The following PTPRS variants were observed in gnomAD, a reference collection of about 807,000 sequenced individuals.
The protein encoded by PTPRS is protein tyrosine phosphatase receptor type S.
PTPRS carries 63 observed loss-of-function variants against 215.3 expected under a neutral mutation model. The observed-to-expected ratio is 0.29, with a 90% confidence interval of 0.24 to 0.36. The LOEUF is 0.36. PTPRS is among the 10% of genes least tolerant of loss of function. The pLI is 1.00. For missense variants in PTPRS, 2,258 were observed against 2,825.8 expected, an observed-to-expected ratio of 0.80 and a Z score of 4.56; for synonymous variants, 1,404 against 1,191.4, an observed-to-expected ratio of 1.18 and a Z score of -3.68.
At chr19:5,227,939 C>CCCCCCCCCCCCCG (rs1283340206) in intron 16 of PTPRS, among the ~76,000 whole-genome samples, 1 of 151,884 alleles carries the variant, frequency 6.6e-6, no homozygotes, top group African/African-American at 2.4e-5. Flanking sequence ...CACACACGCA[C>CCCCCCCCCCCCCG]CCCCCCAAGC....
At chr19:5,311,697 G>A (rs1461260054) in intron 1 of PTPRS, among the ~76,000 whole-genome samples, 1 of 152,142 alleles carries the variant, frequency 6.6e-6, no homozygotes, top group East Asian at 1.9e-4. Context: ...GGTGGAGATG[G>A]CAGATGCTCT....
chr19:5,250,451 T>C (rs2044898302), intron 9 of PTPRS, among the ~76,000 whole-genome samples: 1 of 152,132 alleles, frequency 6.6e-6, no homozygotes, highest in South Asian at 2.1e-4. Flanking sequence ...GTGGGCACGG[T>C]GCCCACGGGA....
Position 5,293,526 on chromosome 19 carries a change from G to C in PTPRS, c.-94-7292C>G, listed in dbSNP as rs1386698619. 6.6e-6 allele frequency among the ~76,000 whole-genome samples: 1 copy of C among 152,162 alleles called. No homozygotes were observed. The highest frequency in any genetic ancestry group is 1.5e-5 in the Non-Finnish European group (1 of 68,014). ...CCCCTCCCTCCCGAAGACGTCTCAC[G>C]GGGAGCCTCTACACTGCTCCTCGCT... On this transcript the variant is annotated intron_variant, in intron 1 of 37. Coordinates refer to ENST00000262963, the MANE Select transcript of PTPRS (RefSeq NM_002850.4). This position sits in a 1 kb window ranked among gnomAD's most constrained non-coding sequence, Gnocchi z 8.4.
At chr19:5,280,863 C>T (rs1336145896) in intron 2 of PTPRS, among the ~76,000 whole-genome samples, 2 of 151,714 alleles carry the variant, frequency 1.3e-5, no homozygotes, top group Non-Finnish European at 2.9e-5. Context: ...GTAATCTTGG[C>T]TCATTGCAAC....
chr19:5,229,910 C>CG (rs1012254816), intron 14 of PTPRS, among the ~76,000 whole-genome samples: 2 of 151,940 alleles, frequency 1.3e-5, no homozygotes, highest in Admixed American at 6.6e-5. Flanking sequence ...AGGCTGCCCC[C>CG]CCCCGAGTCT....
In PTPRS at chr19:5,212,142, G is replaced by A. The variant is rs1245792323; in HGVS notation, c.4878C>T (p.Ser1626=). Residue 1626 remains serine (S), a synonymous_variant, in exon 32 of 38, where the codon TCC becomes TCT. Transcript: ENST00000262963. ...CCGTCTGCACCATGTAGTTGCGCTGGGACCTCATGAGCGTCACGTGGCCAT... is the reference window on the plus strand; with the variant it reads ...CCGTCTGCACCATGTAGTTGCGCTGAGACCTCATGAGCGTCACGTGGCCAT... ...DVYGHVTLMR[S]QRNYMVQTED... is the part of the protein sequence containing the mutation. 1.9e-6 allele frequency: 3 copies of A among 1,613,988 alleles called. No individual in the cohort carries two copies. The African/African-American group carries it at 4.0e-5, about 22-fold the overall frequency.
At chr19:5,317,297 C>A (rs974905326) in intron 1 of PTPRS, among the ~76,000 whole-genome samples, 6 of 152,034 alleles carry the variant, frequency 3.9e-5, no homozygotes, top group Non-Finnish European at 8.8e-5. Flanking sequence ...CATGGGGAAA[C>A]CCCATCTCTA....
intron 5 of PTPRS, among the ~76,000 whole-genome samples, chr19:5,264,269 T>C (rs1449228054): frequency 6.6e-6 from 1 of 152,152 alleles, no homozygotes; most frequent in Non-Finnish European, 1.5e-5. Context: ...CTTACACAGC[T>C]TCCACTACTC....
chr19:5,227,114 A>G (rs1008168659), intron 16 of PTPRS, among the ~76,000 whole-genome samples: 1 of 151,472 alleles, frequency 6.6e-6, no homozygotes, highest in Non-Finnish European at 1.5e-5. Flanking sequence ...GGGTGTAATC[A>G]TAGCTCACTG....
intron 1 of PTPRS, among the ~76,000 whole-genome samples, chr19:5,308,015 C>T (rs1050793908): frequency 1.3e-5 from 2 of 151,860 alleles, no homozygotes; most frequent in Admixed American, 1.3e-4. Flanking sequence ...ACTCTACTGA[C>T]CCTGTTCTGG....
chr19:5,252,654 T>G (rs1338717482), intron 9 of PTPRS, among the ~76,000 whole-genome samples: 1 of 138,726 alleles, frequency 7.2e-6, no homozygotes. Flanking sequence ...CCGAGGCAGG[T>G]AGATTACCTG....
intron 1 of PTPRS, among the ~76,000 whole-genome samples, chr19:5,290,658 T>C (rs1396179375): frequency 6.6e-6 from 1 of 151,996 alleles, no homozygotes; most frequent in African/African-American, 2.4e-5. Context: ...CATGCTGCCC[T>C]GTCCTGGGGC....
chr19:5,212,575 G>T (rs4807696), intron 30 of PTPRS, 84 bp from the exon 31 acceptor site: 174,029 of 1,475,660 alleles, frequency 0.12, 11,201 homozygotes, highest in Admixed American at 0.26. Context: ...CGGGTGTGGT[G>T]GCTCATGCCT....
chr19:5,281,012 G>A (rs1056624207), intron 2 of PTPRS, among the ~76,000 whole-genome samples: 4 of 151,552 alleles, frequency 2.6e-5, no homozygotes, highest in East Asian at 2.0e-4. Flanking sequence ...GGCTGGTCGC[G>A]AACTCCTGAC....
At chr19:5,327,342 T>A (rs574626038) in intron 1 of PTPRS, among the ~76,000 whole-genome samples, 1 of 152,222 alleles carries the variant, frequency 6.6e-6, no homozygotes, top group African/African-American at 2.4e-5. Flanking sequence ...TTAGCATAGA[T>A]CCTTCCAATA....
At chr19:5,274,075 T>C (rs1476208511) in intron 3 of PTPRS, 124 bp downstream of exon 3, 1 of 1,356,582 alleles carries the variant, frequency 7.4e-7, no homozygotes. Context: ...GCAGCCATGC[T>C]TGCTTGGCCA....
Position 5,240,342 on chromosome 19 carries a change from T to C in PTPRS, c.1571-10A>G. On this transcript the variant is annotated splice_polypyrimidine_tract_variant and intron_variant, in intron 11 of 37. Coordinates refer to ENST00000262963, the MANE Select transcript of PTPRS (RefSeq NM_002850.4). ...ATGGGCTGGCCCGGCACTGTGGGGG[T>C]GCAGGGAGACAACTAGGAGTCGGGG... The C allele has an allele frequency of 6.3e-7, 1 of 1,576,870 alleles. No individual in the cohort carries two copies. The highest frequency in any genetic ancestry group is 8.6e-7 in the Non-Finnish European group (1 of 1,162,578).
chr19:5,260,822 TC>T lies in PTPRS; in HGVS notation c.578-1del. On this transcript the variant is annotated splice_acceptor_variant, in intron 6 of 37. Transcript: ENST00000262963. LOFTEE classifies it high-confidence loss of function. ...CCTCTTACCTCGAATCGGAGTGCTT[TC>T]TGTAAGGGAAGCAGAGAGAACCAGG... 6.2e-7 allele frequency: 1 copy of T among 1,613,574 alleles called. No homozygotes were observed. The highest frequency in any genetic ancestry group is 8.5e-7 in the Non-Finnish European group (1 of 1,179,778).
intron 16 of PTPRS, 86 bp downstream of exon 16, chr19:5,229,227 CTGA>C (rs1180099225): frequency 7.8e-6 from 10 of 1,275,982 alleles, no homozygotes; most frequent in African/African-American, 1.5e-5. Flanking sequence ...CGTTTTACTA[CTGA>C]TGATAAGGGG....
Sources: gnomAD v4.1 joint callset for allele counts (sites outside exome capture counted in the v4.1 genomes callset) on GRCh38, gnomAD v4.1.1 for gene constraint, Gnocchi (gnomAD v3.1) non-coding constraint, MANE v1.5 for transcripts, NCBI Gene and HGNC (gene_info 2026-07-23, HGNC 2026-07-21) for gene names.